ELP4: variants seen among roughly 807,000 people sequenced by gnomAD.
ELP4 encodes elongator acetyltransferase complex subunit 4, also known as elongator complex protein 4.
Under a neutral mutation model 48.9 loss-of-function variants are expected in ELP4, and 51 were observed. The ratio of observed to expected loss-of-function variants is 1.04; its 90% confidence interval spans 0.83 to 1.32. The LOEUF is 1.32. ELP4 is among the 40% of genes most tolerant of loss of function. The pLI is 0.00. For missense variants in ELP4, 519 were observed against 514.6 expected, an observed-to-expected ratio of 1.01 and a Z score of -0.08; for synonymous variants, 210 against 189.2, an observed-to-expected ratio of 1.11 and a Z score of -0.90.
intron 2 of ELP4, 110 bp from the exon 3 acceptor site, chr11:31,539,552 C>T: frequency 1.7e-6 from 2 of 1,144,286 alleles, no homozygotes; most frequent in South Asian, 1.8e-5. Flanking sequence ...ACCTCATATA[C>T]TTGTTTTAAG....
At chr11:31,760,814 C>G (rs1947929422) in intron 9 of ELP4, among the ~76,000 whole-genome samples, 1 of 152,270 alleles carries the variant, frequency 6.6e-6, no homozygotes, top group African/African-American at 2.4e-5. Flanking sequence ...CATCTTTTTA[C>G]CAGAATGTTG....
At chr11:31,766,283 C>T (rs952897882) in intron 9 of ELP4, among the ~76,000 whole-genome samples, 3 of 151,896 alleles carry the variant, frequency 2.0e-5, no homozygotes, top group African/African-American at 7.2e-5. Context: ...GTATATTTTT[C>T]TGATAAAGTA....
In ELP4 at chr11:31,785,858, T is replaced by G. The variant is rs886048183; in HGVS notation, c.*2334T>G. 4 of 196,100 alleles carry G rather than the reference T, an allele frequency of 2.0e-5. No homozygotes were observed. The East Asian group carries it at 3.2e-4, about 16-fold the overall frequency. The allele number at this position is 196,100 out of a possible 1,614,324, so 12.1% of individuals were successfully genotyped here. ...AAATATACACTCCATTAACAGATTT[T>G]TTTTAATTATCAGCTTGACTCAAAG... On this transcript the variant is annotated 3_prime_UTR_variant, in exon 10 of 10. Transcript: ENST00000640961.
intron 9 of ELP4, among the ~76,000 whole-genome samples, chr11:31,738,466 G>A (rs1367200281): frequency 6.6e-6 from 1 of 151,676 alleles, no homozygotes. Flanking sequence ...AGGCATAGTG[G>A]CCGACGCCTA....
intron 9 of ELP4, among the ~76,000 whole-genome samples, chr11:31,758,443 C>T (rs926104237): frequency 1.1e-4 from 17 of 152,130 alleles, no homozygotes; most frequent in African/African-American, 4.1e-4. Flanking sequence ...GATTGTTAAG[C>T]CCAAGGTTTT....
At chr11:31,662,624 T>TA in intron 9 of ELP4, 2 of 397,906 alleles carry the variant, frequency 5.0e-6, no homozygotes, top group East Asian at 7.1e-5. Context: ...ACCCCTACTT[T>TA]AAAAAGCCGC....
intron 9 of ELP4, among the ~76,000 whole-genome samples, chr11:31,777,845 G>A (rs1948281249): frequency 6.6e-6 from 1 of 152,194 alleles, no homozygotes; most frequent in Admixed American, 6.5e-5. Flanking sequence ...CCTTTTATAA[G>A]CCATTTTTGG....
intron 9 of ELP4, among the ~76,000 whole-genome samples, chr11:31,736,718 A>G (rs1372277438): frequency 7.2e-5 from 11 of 152,384 alleles, no homozygotes; most frequent in Admixed American, 7.2e-4. Context: ...CAGAAGACAC[A>G]TGAGAAAATG....
intron 9 of ELP4, among the ~76,000 whole-genome samples, chr11:31,694,657 G>T (rs868401462): frequency 6.6e-6 from 1 of 152,082 alleles, no homozygotes; most frequent in South Asian, 2.1e-4. Context: ...CTCTTTTTTG[G>T]TTCCATATGA....
intron 3 of ELP4, among the ~76,000 whole-genome samples, chr11:31,555,626 ATATAC>A (rs1266448655): frequency 6.6e-6 from 1 of 151,810 alleles, no homozygotes; most frequent in Non-Finnish European, 1.5e-5. Flanking sequence ...TAAGTTTAGA[ATATAC>A]TATATTTAAA....
chr11:31,735,680 AACAG>A (rs1374143809), intron 9 of ELP4, among the ~76,000 whole-genome samples: 3 of 152,312 alleles, frequency 2.0e-5, no homozygotes, highest in African/African-American at 7.2e-5. Flanking sequence ...ATACACCATT[AACAG>A]ACAAACAGAG....
intron 9 of ELP4, among the ~76,000 whole-genome samples, chr11:31,690,352 G>C (rs2134137343): frequency 1.3e-5 from 2 of 152,112 alleles, no homozygotes; most frequent in Admixed American, 1.3e-4. Context: ...TTTCCTTCAA[G>C]TGAGAGGGAG....
At chr11:31,694,013 G>GT (rs1446784292) in intron 9 of ELP4, among the ~76,000 whole-genome samples, 2 of 152,026 alleles carry the variant, frequency 1.3e-5, no homozygotes, top group Non-Finnish European at 2.9e-5. Context: ...GGGGTTGTTT[G>GT]TTTTTTTCTT....
rs189307684 is a variant in ELP4, at chr11:31,604,283, C to G, written c.653+376C>G. 3.9e-5 allele frequency among the ~76,000 whole-genome samples: 6 copies of G among 151,900 alleles called. No homozygotes were observed. In the East Asian group the frequency reaches 1.2e-3, roughly 29 times the overall value. On this transcript the variant is annotated intron_variant, in intron 5 of 9. Coordinates refer to ENST00000640961, the MANE Select transcript of ELP4 (RefSeq NM_019040.5). The stretch of plus-strand genomic sequence containing the variant: ...GATAATAATAGCAATGAAAATGATA[C>G]AAACTAGTGTCGTTTGCTTAATTTA...
chr11:31,772,014 A>G (rs1948156119), intron 9 of ELP4, among the ~76,000 whole-genome samples: 1 of 150,536 alleles, frequency 6.6e-6, no homozygotes, highest in Admixed American at 6.6e-5. Context: ...GCTCAAATAT[A>G]CTCTCCAGAA....
chr11:31,528,473 G>C (rs527787027), intron 2 of ELP4, among the ~76,000 whole-genome samples: 2 of 152,056 alleles, frequency 1.3e-5, no homozygotes, highest in Non-Finnish European at 2.9e-5. Context: ...TCATAAATTT[G>C]CTATTTTACT....
At chr11:31,718,999 C>T (rs1946899075) in intron 9 of ELP4, among the ~76,000 whole-genome samples, 1 of 152,166 alleles carries the variant, frequency 6.6e-6, no homozygotes, top group Non-Finnish European at 1.5e-5. Context: ...TGGCTCACAC[C>T]TGTAATCCTA....
intron 2 of ELP4, among the ~76,000 whole-genome samples, chr11:31,536,485 G>A (rs1446706089): frequency 1.3e-5 from 2 of 152,112 alleles, no homozygotes; most frequent in Non-Finnish European, 2.9e-5. Context: ...CTGAGTAGCT[G>A]GGATTATACG....
At chr11:31,746,652 A>C in intron 9 of ELP4, among the ~76,000 whole-genome samples, 1 of 151,784 alleles carries the variant, frequency 6.6e-6, no homozygotes, top group Non-Finnish European at 1.5e-5. Flanking sequence ...AAAACCAAAC[A>C]CCACATGTTC....
Sources: allele counts gnomAD v4.1 joint callset (sites outside exome capture counted in the v4.1 genomes callset), GRCh38; gene constraint gnomAD v4.1.1; transcripts MANE v1.5; gene names NCBI Gene and HGNC (gene_info 2026-07-23, HGNC 2026-07-21).